Variants in FTCDNL1 observed in about 807,000 individuals in gnomAD.
FTCDNL1 encodes the protein formiminotransferase cyclodeaminase N-terminal like.
Under a neutral mutation model 5.9 loss-of-function variants are expected in FTCDNL1, and 11 were observed. The ratio of observed to expected loss-of-function variants is 1.87; its 90% CI spans 1.18 to 3.10. The LOEUF (loss-of-function observed/expected upper bound fraction) is 3.10. Ranked by LOEUF, FTCDNL1 falls within the 30% of genes most tolerant of loss-of-function variation. The pLI is 0.00. For synonymous variants in FTCDNL1, 58 were observed against 24.8 expected (o/e 2.34, Z -3.99); for missense variants, 115 against 65.5 (o/e 1.76, Z -2.61).
the FTCDNL1 span, among the ~76,000 whole-genome samples, chr2:199,684,828 A>G: frequency 6.6e-6 from 1 of 152,230 alleles, no homozygotes; most frequent in African/African-American, 2.4e-5. Flanking sequence ...TCTGGAAATT[A>G]TAATTCAGTA....
the FTCDNL1 span, among the ~76,000 whole-genome samples, chr2:199,709,026 A>G: frequency 7.9e-3 from 1,209 of 152,214 alleles, 17 homozygotes; most frequent in African/African-American, 0.027. Flanking sequence ...CCCAAGTGAA[A>G]ATCTAGGGCA....
rs2076865379 is a variant in FTCDNL1, at chr2:199,851,071, C to A, written c.-339G>T. ...CTCTGCGGTTTGGGAGGGGAGCGGA[C>A]CTGCGAGCGCCGAAGGGCGGTGGGG... is the stretch of plus-strand genomic sequence containing the variant. On this transcript the variant is annotated 5_prime_UTR_variant, in exon 1 of 5. Coordinates refer to ENST00000420128, the MANE Select transcript of FTCDNL1 (RefSeq NM_001363886.2). 6.8e-6 allele frequency: 1 copy of A among 147,450 alleles called. No homozygotes were observed. Among genetic ancestry groups the A allele is most frequent in the Admixed American group, 6.8e-5 (1 of 14,714 alleles). The allele number at this position is 147,450 out of a possible 1,614,324, so 9.1% of individuals were successfully genotyped here.
intron 3 of FTCDNL1, among the ~76,000 whole-genome samples, chr2:199,844,803 C>T (rs774873209): frequency 2.6e-5 from 4 of 152,004 alleles, no homozygotes; most frequent in African/African-American, 4.8e-5. Context: ...TTTTTTTTTA[C>T]AATTGTTTAC....
chr2:199,844,513 G>T, intron 3 of FTCDNL1: 1 of 641,106 alleles, frequency 1.6e-6, no homozygotes, highest in Non-Finnish European at 2.9e-6. Context: ...CCTCTAGGCA[G>T]GCAGCCAGAA....
At chr2:199,807,066 C>G (rs1045059961), downstream of FTCDNL1, among the ~76,000 whole-genome samples, 1 of 152,190 alleles carries the variant, frequency 6.6e-6, no homozygotes, top group Admixed American at 6.5e-5. Context: ...AGAGGCCAAT[C>G]TGAGAAAAGC....
intron 3 of FTCDNL1, among the ~76,000 whole-genome samples, chr2:199,769,481 C>CCA (rs1187106484): frequency 1.3e-5 from 2 of 151,830 alleles, no homozygotes; most frequent in Non-Finnish European, 2.9e-5. Context: ...ATTTTGAGGC[C>CCA]CCCCCAGCCA....
intron 3 of FTCDNL1, among the ~76,000 whole-genome samples, chr2:199,826,488 CAAA>C (rs35457727): frequency 4.7e-4 from 57 of 121,126 alleles, no homozygotes; most frequent in East Asian, 1.6e-3. Flanking sequence ...ATTTCTCAGT[CAAA>C]AAAAAAAAAA....
chr2:199,737,776 G>T, the FTCDNL1 span, among the ~76,000 whole-genome samples: 1 of 152,210 alleles, frequency 6.6e-6, no homozygotes, highest in Non-Finnish European at 1.5e-5. Flanking sequence ...CGTGAATAAA[G>T]AACTCCGCAT....
At chr2:199,683,078 C>T in the FTCDNL1 span, among the ~76,000 whole-genome samples, 3 of 152,276 alleles carry the variant, frequency 2.0e-5, no homozygotes, top group African/African-American at 7.2e-5. Context: ...TCCCACTGTA[C>T]AACTCCATTC....
intron 3 of FTCDNL1, among the ~76,000 whole-genome samples, chr2:199,768,790 C>T (rs1574456204): frequency 6.6e-6 from 1 of 152,122 alleles, no homozygotes; most frequent in Admixed American, 6.5e-5. Flanking sequence ...TTTGCTGAGG[C>T]TCCAGTATTC....
At chr2:199,787,509 C>T (rs1005579975) in intron 3 of FTCDNL1, among the ~76,000 whole-genome samples, 3 of 152,120 alleles carry the variant, frequency 2.0e-5, no homozygotes, top group African/African-American at 7.2e-5. Flanking sequence ...TTCTATCCCA[C>T]GTAGCCTAAC....
the FTCDNL1 span, among the ~76,000 whole-genome samples, chr2:199,687,792 T>C: frequency 6.6e-5 from 10 of 152,252 alleles, no homozygotes; most frequent in East Asian, 1.9e-4. Flanking sequence ...ATAATTTAGT[T>C]AATGCTTCTT....
chr2:199,753,594 G>T, the FTCDNL1 span, among the ~76,000 whole-genome samples: 2 of 152,212 alleles, frequency 1.3e-5, no homozygotes, highest in Non-Finnish European at 2.9e-5. Flanking sequence ...AACAAGCGTG[G>T]TCACTGTCAC....
chr2:199,701,239 A>C, the FTCDNL1 span, among the ~76,000 whole-genome samples: 1 of 146,518 alleles, frequency 6.8e-6, no homozygotes, highest in Admixed American at 7.0e-5. Context: ...AAGAAATGCA[A>C]ATCAAAACTA....
chr2:199,678,106 G>A, the FTCDNL1 span, among the ~76,000 whole-genome samples: 1 of 152,230 alleles, frequency 6.6e-6, no homozygotes, highest in Non-Finnish European at 1.5e-5. Context: ...AAACAGAGTC[G>A]CTTTGGGTTT....
At chr2:199,767,375 T>A (rs1245367022) in intron 3 of FTCDNL1, among the ~76,000 whole-genome samples, 1 of 152,216 alleles carries the variant, frequency 6.6e-6, no homozygotes, top group African/African-American at 2.4e-5. Context: ...TCTACTTGAA[T>A]CCCTCCAGTT....
the FTCDNL1 span, among the ~76,000 whole-genome samples, chr2:199,700,876 C>G: frequency 2.6e-5 from 4 of 151,506 alleles, no homozygotes; most frequent in Non-Finnish European, 5.9e-5. Context: ...TCACCATATA[C>G]AAAAATCAAC....
the FTCDNL1 span, among the ~76,000 whole-genome samples, chr2:199,687,993 T>C: frequency 2.0e-5 from 3 of 152,064 alleles, no homozygotes; most frequent in African/African-American, 4.8e-5. Flanking sequence ...ACGCCTGTAA[T>C]CCCAGCACTT....
intron 4 of FTCDNL1, among the ~76,000 whole-genome samples, chr2:199,816,317 C>G (rs7574313): frequency 0.82 from 125,508 of 152,150 alleles, 51,871 homozygotes; most frequent in Admixed American, 0.89. Flanking sequence ...TTGGTCATGG[C>G]TACCAGTGAA....
Sources: allele counts gnomAD v4.1 joint callset (sites outside exome capture counted in the v4.1 genomes callset), GRCh38; gene constraint gnomAD v4.1.1; transcripts MANE v1.5; gene names NCBI Gene and HGNC (gene_info 2026-07-23, HGNC 2026-07-21).